The following EIF4E variants were observed in gnomAD, a reference collection of about 807,000 sequenced individuals.
The protein encoded by EIF4E is eukaryotic translation initiation factor 4E, also known as eIF-4F 25 kDa subunit.
For synonymous variants in EIF4E, 71 were observed against 88.5 expected, an observed-to-expected ratio of 0.80 and a Z score of 1.11; for missense variants, 113 against 265.6, an observed-to-expected ratio of 0.43 and a Z score of 3.99.
At chr4:98,919,745 G>C (rs1725566734) in intron 1 of EIF4E, among the ~76,000 whole-genome samples, 1 of 151,826 alleles carries the variant, frequency 6.6e-6, no homozygotes, top group African/African-American at 2.4e-5. Flanking sequence ...TTTTAGTAGA[G>C]ATGGGGTTTC....
Position 98,917,820 on chromosome 4 carries a change from A to C in EIF4E, c.18+11275T>G, listed in dbSNP as rs558819766. On this transcript the variant is annotated intron_variant, in intron 1 of 6. Transcript: ENST00000450253. ...GCCAGGCGTGATGGCTCACACCTGT[A>C]ATCACAGCACTTTGGGAGGCCAAGG... 2.0e-5 allele frequency among the ~76,000 whole-genome samples: 3 copies of C among 152,360 alleles called. No individual in the cohort carries two copies. In the South Asian group the frequency reaches 6.2e-4, roughly 32 times the overall value.
chr4:98,901,761 C>T, intron 2 of EIF4E, 115 bp downstream of exon 2: 1 of 997,750 alleles, frequency 1.0e-6, no homozygotes, highest in Admixed American at 1.7e-5. Flanking sequence ...AAATAGAACC[C>T]TCAACCTTAG....
intron 1 of EIF4E, among the ~76,000 whole-genome samples, chr4:98,918,534 G>C (rs1414243919): frequency 6.6e-6 from 1 of 151,848 alleles, no homozygotes; most frequent in Non-Finnish European, 1.5e-5. Flanking sequence ...CTGACCAACA[G>C]GGTTTAAAAT....
At chr4:98,918,634 G>A (rs1446359374) in intron 1 of EIF4E, among the ~76,000 whole-genome samples, 1 of 152,044 alleles carries the variant, frequency 6.6e-6, no homozygotes, top group African/African-American at 2.4e-5. Flanking sequence ...TCCCAGTAAT[G>A]TTTGAAATAG....
At chr4:98,914,970 G>T (rs1725315113) in intron 1 of EIF4E, among the ~76,000 whole-genome samples, 1 of 152,156 alleles carries the variant, frequency 6.6e-6, no homozygotes, top group South Asian at 2.1e-4. Flanking sequence ...TTGAGACAGG[G>T]TCCCGCTCTG....
At position 98,923,528 on chromosome 4, in the gene EIF4E, G is replaced by T. The variant is rs185082687; in HGVS notation, c.18+5567C>A. Among the ~76,000 whole-genome samples, 1,341 of 152,238 alleles carry T rather than the reference G, an allele frequency of 8.8e-3. 22 individuals carry two copies. The highest frequency in any genetic ancestry group is 0.031 in the African/African-American group (1,279 of 41,534). The stretch of plus-strand genomic sequence containing the variant: ...GGGTCTCGCCATGTTGGCCAGGCTG[G>T]TCTCAAACTCCGGGCTCAAGTGATC... On this transcript the variant is annotated intron_variant, in intron 1 of 6. Coordinates refer to ENST00000450253, the MANE Select transcript of EIF4E (RefSeq NM_001968.5).
At chr4:98,882,931 T>C (rs970493456) in intron 6 of EIF4E, among the ~76,000 whole-genome samples, 3 of 152,134 alleles carry the variant, frequency 2.0e-5, no homozygotes, top group Non-Finnish European at 2.9e-5. Flanking sequence ...TGGAACCCCA[T>C]ATAGCATGAA....
intron 1 of EIF4E, among the ~76,000 whole-genome samples, chr4:98,916,181 G>A (rs1048692499): frequency 6.6e-6 from 1 of 150,594 alleles, no homozygotes; most frequent in Non-Finnish European, 1.5e-5. Flanking sequence ...ACAGAGTGAG[G>A]CTCTGTCTCA....
intron 1 of EIF4E, among the ~76,000 whole-genome samples, chr4:98,911,187 T>G (rs964269953): frequency 6.6e-6 from 1 of 151,780 alleles, no homozygotes; most frequent in African/African-American, 2.4e-5. Context: ...TAGCTGGGAT[T>G]ACAGGCGCCT....
chr4:98,888,539 C>T (rs1387064316), intron 3 of EIF4E, among the ~76,000 whole-genome samples: 2 of 152,114 alleles, frequency 1.3e-5, no homozygotes, highest in Non-Finnish European at 1.5e-5. Context: ...ACAAGCCCTA[C>T]ATCTTGGGAT....
At chr4:98,891,179 A>G in intron 3 of EIF4E, 58 bp downstream of exon 3, 1 of 1,581,674 alleles carries the variant, frequency 6.3e-7, no homozygotes, top group Non-Finnish European at 8.7e-7. Context: ...CGACTTAAAA[A>G]TAAAAAAACT....
At chr4:98,910,022 C>T (rs1292944911) in intron 1 of EIF4E, 1 of 358,324 alleles carries the variant, frequency 2.8e-6, no homozygotes, top group African/African-American at 2.1e-5. Context: ...AGTCTTACCA[C>T]CTGTCTTGTA....
At chr4:98,898,249 A>G (rs745717002) in intron 2 of EIF4E, among the ~76,000 whole-genome samples, 2 of 152,210 alleles carry the variant, frequency 1.3e-5, no homozygotes, top group African/African-American at 4.8e-5. Context: ...TATACTTCCA[A>G]TGAAACATCT....
chr4:98,924,721 T>C (rs1050975038), intron 1 of EIF4E, among the ~76,000 whole-genome samples: 43 of 152,068 alleles, frequency 2.8e-4, no homozygotes, highest in African/African-American at 1.0e-3. Context: ...GCCTCCCCAG[T>C]AGCTGGGATT....
chr4:98,915,171 G>C (rs1177394416), intron 1 of EIF4E, among the ~76,000 whole-genome samples: 1 of 152,074 alleles, frequency 6.6e-6, no homozygotes, highest in African/African-American at 2.4e-5. Context: ...GGCTGGTCTT[G>C]AACTCCTGGG....
At chr4:98,910,012 A>G (rs1725047357) in intron 1 of EIF4E, 2 of 397,148 alleles carry the variant, frequency 5.0e-6, no homozygotes, top group Admixed American at 4.4e-5. Context: ...GAACAAATAT[A>G]GTCTTACCAC....
intron 3 of EIF4E, among the ~76,000 whole-genome samples, chr4:98,888,586 T>A (rs1724017702): frequency 6.6e-6 from 1 of 152,204 alleles, no homozygotes; most frequent in Non-Finnish European, 1.5e-5. Context: ...CCCTGCAGTC[T>A]GTATTTCTAA....
chr4:98,907,931 G>GT (rs1560646906), intron 1 of EIF4E, among the ~76,000 whole-genome samples: 2 of 152,130 alleles, frequency 1.3e-5, no homozygotes, highest in Non-Finnish European at 1.5e-5. Context: ...GTTTAGAAAG[G>GT]TAAGAGCTGA....
intron 2 of EIF4E, among the ~76,000 whole-genome samples, chr4:98,899,367 A>T (rs573581675): frequency 2.0e-5 from 3 of 152,314 alleles, no homozygotes; most frequent in African/African-American, 7.2e-5. Context: ...AAAATACTGA[A>T]ATTGTTTTCC....
Sources: allele counts gnomAD v4.1 joint callset (sites outside exome capture counted in the v4.1 genomes callset), GRCh38; gene constraint gnomAD v4.1.1; transcripts MANE v1.5; gene names NCBI Gene and HGNC (gene_info 2026-07-23, HGNC 2026-07-21).